NEDD4L: variants seen among roughly 807,000 people sequenced by gnomAD.
The protein encoded by NEDD4L is NEDD4 like E3 ubiquitin protein ligase.
NEDD4L carries 54 observed loss-of-function variants against 148.9 expected under a neutral mutation model. The observed-to-expected ratio is 0.36, with a 90% CI of 0.29 to 0.45. NEDD4L has a LOEUF of 0.45. Ranked by LOEUF, NEDD4L falls within the 20% of genes least tolerant of loss-of-function variation. The probability of loss-of-function intolerance (pLI) is 1.00; values close to 1 mark genes in which losing one functional copy is unlikely to be tolerated. For synonymous variants in NEDD4L, 433 were observed against 440.7 expected (o/e 0.98, Z 0.22); for missense variants, 856 against 1,233.8 (o/e 0.69, Z 4.59).
chr18:58,100,357 T>C (rs908321470), intron 1 of NEDD4L, among the ~76,000 whole-genome samples: 4 of 152,210 alleles, frequency 2.6e-5, no homozygotes, highest in Admixed American at 6.5e-5. Context: ...AATGACAGTG[T>C]AATTTACTTG....
chr18:58,086,825 A>G (rs1278986461), intron 1 of NEDD4L, among the ~76,000 whole-genome samples: 2 of 152,244 alleles, frequency 1.3e-5, no homozygotes, highest in Non-Finnish European at 2.9e-5. Flanking sequence ...AACAATAAGC[A>G]TTCATTGTGT....
chr18:58,286,849 T>C (rs11152064), intron 5 of NEDD4L, among the ~76,000 whole-genome samples: 26,766 of 152,224 alleles, frequency 0.18, 2,549 homozygotes, highest in East Asian at 0.29. Flanking sequence ...GCGCTCCTTA[T>C]GTGCATAAAC....
chr18:58,111,321 G>C (rs2085406913), intron 1 of NEDD4L, among the ~76,000 whole-genome samples: 1 of 152,132 alleles, frequency 6.6e-6, no homozygotes, highest in African/African-American at 2.4e-5. Flanking sequence ...ACCTGCCTTG[G>C]CCTCCCAAAG....
chr18:58,221,888 T>C, intron 2 of NEDD4L: 1 of 248,196 alleles, frequency 4.0e-6, no homozygotes, highest in Non-Finnish European at 6.4e-6. Flanking sequence ...AGATTTTCAA[T>C]TTTAAATGCT....
intron 5 of NEDD4L, among the ~76,000 whole-genome samples, chr18:58,285,222 A>G (rs2053713549): frequency 6.6e-6 from 1 of 152,120 alleles, no homozygotes; most frequent in Non-Finnish European, 1.5e-5. Context: ...TGGTGCTGGA[A>G]GCCTAAGGAC....
chr18:58,251,041 G>A (rs1288754117), intron 4 of NEDD4L, among the ~76,000 whole-genome samples: 3 of 152,180 alleles, frequency 2.0e-5, no homozygotes, highest in African/African-American at 7.2e-5. Context: ...GAGACAGGCA[G>A]CATAGACCTA....
chr18:58,252,263 G>C lies in NEDD4L; in HGVS notation c.297+209G>C, dbSNP rs73961541. Among the ~76,000 whole-genome samples, 3,305 of 152,282 alleles carry C rather than the reference G, an allele frequency of 0.022. 106 individuals carry two copies. Among genetic ancestry groups the C allele is most frequent in the African/African-American group, 0.075 (3,117 of 41,540 alleles). On this transcript the variant is annotated intron_variant, in intron 5 of 30. Transcript: ENST00000400345. ...GGATAAAAAATGTATTTGTATGTGT[G>C]TGTATTTTTATTGCAGTTAATGTTA...
intron 1 of NEDD4L, among the ~76,000 whole-genome samples, chr18:58,161,843 G>A (rs185258403): frequency 2.0e-5 from 3 of 152,138 alleles, no homozygotes; most frequent in Admixed American, 6.5e-5. Flanking sequence ...GGGCTTATGG[G>A]GCCAGTTTTG....
chr18:58,255,570 G>T lies in NEDD4L; in HGVS notation c.297+3516G>T, dbSNP rs188616151. The T allele has an allele frequency of 6.7e-5, 82 of 1,231,986 alleles. No individual in the cohort carries two copies. In the Admixed American group the frequency reaches 3.3e-3, roughly 50 times the overall value. 76.3% of individuals were successfully genotyped at this position (1,231,986 alleles called of 1,614,324 possible). A position where few individuals can be genotyped will look rare whatever the true frequency, so the allele number is the denominator to read the frequency against. On this transcript the variant is annotated intron_variant, in intron 5 of 30. Transcript: ENST00000400345. ...CTTTTTCTTGGAATTTGTGTCTTTG[G>T]TTTGTGACTTCTGGCAGTGTCGGGC...
At position 58,293,898 on chromosome 18, in the gene NEDD4L, T is replaced by C. The variant is rs1001456471; in HGVS notation, c.298-22084T>C. On this transcript the variant is annotated intron_variant, in intron 5 of 30. Coordinates refer to ENST00000400345, the MANE Select transcript of NEDD4L (RefSeq NM_001144967.3). ...CCACCATGCCTGACTAATTATTGTA[T>C]TTTTTGTAGAGATGGATTCTCACTC... 2.0e-5 allele frequency among the ~76,000 whole-genome samples: 3 copies of C among 152,100 alleles called. No individual in the cohort carries two copies. The East Asian group carries it at 5.8e-4, about 29-fold the overall frequency.
chr18:58,320,820 A>G (rs1272411125), intron 6 of NEDD4L, among the ~76,000 whole-genome samples: 1 of 152,216 alleles, frequency 6.6e-6, no homozygotes, highest in African/African-American at 2.4e-5. Flanking sequence ...TCTAAATTAA[A>G]TAAATAAATG....
chr18:58,388,415 G>A (rs1232759872), intron 27 of NEDD4L: 1 of 152,260 alleles, frequency 6.6e-6, no homozygotes, highest in Non-Finnish European at 1.5e-5. Context: ...GCACGGTCAG[G>A]CCTAGGAACT....
chr18:58,160,874 G>C (rs2036115615), intron 1 of NEDD4L, among the ~76,000 whole-genome samples: 1 of 152,190 alleles, frequency 6.6e-6, no homozygotes, highest in African/African-American at 2.4e-5. Flanking sequence ...ACAGGTGCTT[G>C]TAAACAGTAA....
chr18:58,204,951 C>T (rs1407768496), intron 2 of NEDD4L, among the ~76,000 whole-genome samples: 1 of 152,148 alleles, frequency 6.6e-6, no homozygotes, highest in Non-Finnish European at 1.5e-5. Flanking sequence ...AGGGGAGGAA[C>T]TCGGCATCAA....
chr18:58,116,216 C>T (rs192434416), intron 1 of NEDD4L, among the ~76,000 whole-genome samples: 1 of 152,376 alleles, frequency 6.6e-6, no homozygotes, highest in Admixed American at 6.5e-5. Flanking sequence ...GCGTTTCTTA[C>T]TTCCAGTCTT....
intron 5 of NEDD4L, among the ~76,000 whole-genome samples, chr18:58,297,183 C>A (rs1488370556): frequency 6.6e-6 from 1 of 152,222 alleles, no homozygotes; most frequent in Admixed American, 6.5e-5. Flanking sequence ...TTAATCACAT[C>A]TGCAAAGGCA....
intron 1 of NEDD4L, among the ~76,000 whole-genome samples, chr18:58,058,122 A>G (rs560725411): frequency 1.7e-3 from 263 of 152,308 alleles, no homozygotes; most frequent in Middle Eastern, 6.8e-3. Flanking sequence ...CCTGGCCAAT[A>G]TGGTGAAACC....
intron 5 of NEDD4L, among the ~76,000 whole-genome samples, chr18:58,257,132 G>C (rs1014650908): frequency 2.6e-5 from 4 of 152,072 alleles, no homozygotes. Context: ...GCTGATGTTG[G>C]AATTGCATTT....
intron 24 of NEDD4L, among the ~76,000 whole-genome samples, chr18:58,380,671 C>G (rs549814986): frequency 6.6e-6 from 1 of 152,126 alleles, no homozygotes; most frequent in Non-Finnish European, 1.5e-5. Context: ...TTTGCTGCAC[C>G]CATCAACCCA....
Sources: allele counts gnomAD v4.1 joint callset (sites outside exome capture counted in the v4.1 genomes callset), GRCh38; gene constraint gnomAD v4.1.1; transcripts MANE v1.5; gene names NCBI Gene and HGNC (gene_info 2026-07-23, HGNC 2026-07-21).